FUT9: variants seen among roughly 807,000 people sequenced by gnomAD.
FUT9 encodes the protein 4-galactosyl-N-acetylglucosaminide 3-alpha-L-fucosyltransferase 9.
FUT9 carries 15 observed loss-of-function variants against 29.7 expected under a neutral mutation model. That is an observed-to-expected ratio of 0.51 (90% CI 0.34 to 0.78). The LOEUF is 0.78. Ranked by LOEUF, FUT9 falls within the 30% of genes least tolerant of loss-of-function variation. The pLI is 0.01. For missense variants in FUT9, 319 were observed against 425.4 expected (o/e 0.75, Z 2.20); for synonymous variants, 169 against 153.7 (o/e 1.10, Z -0.74).
intron 1 of FUT9, among the ~76,000 whole-genome samples, chr6:96,053,581 C>T (rs947697473): frequency 2.6e-5 from 4 of 152,072 alleles, no homozygotes; most frequent in South Asian, 4.2e-4. Flanking sequence ...TGGTGGCAAG[C>T]ACCTATAGTC....
intron 1 of FUT9, among the ~76,000 whole-genome samples, chr6:96,094,263 A>G (rs894668815): frequency 6.6e-6 from 1 of 152,076 alleles, no homozygotes; most frequent in African/African-American, 2.4e-5. Flanking sequence ...TGTCTAGTGT[A>G]TTCATGCTGT....
At chr6:96,161,005 G>A (rs1772890229) in intron 2 of FUT9, among the ~76,000 whole-genome samples, 1 of 152,022 alleles carries the variant, frequency 6.6e-6, no homozygotes, top group Non-Finnish European at 1.5e-5. Context: ...ACTTCTATAG[G>A]GTAAATTAAG....
At chr6:96,088,526 TGTTTTGTGTG>T (rs1200367489) in intron 1 of FUT9, among the ~76,000 whole-genome samples, 2 of 120,826 alleles carry the variant, frequency 1.7e-5, no homozygotes, top group Non-Finnish European at 3.3e-5. Flanking sequence ...TCTGTTTGTT[TGTTTTGTGTG>T]TGTGTGTGTG....
At chr6:96,125,314 T>C (rs1223919097) in intron 2 of FUT9, among the ~76,000 whole-genome samples, 6 of 152,204 alleles carry the variant, frequency 3.9e-5, no homozygotes, top group Non-Finnish European at 7.3e-5. Flanking sequence ...GCTCAATGTC[T>C]TTGTCGTCTT....
chr6:96,161,809 C>T (rs1772908792), intron 2 of FUT9, among the ~76,000 whole-genome samples: 1 of 152,226 alleles, frequency 6.6e-6, no homozygotes, highest in African/African-American at 2.4e-5. Flanking sequence ...ACATCCACTT[C>T]ACTTTGCCTT....
chr6:96,058,145 G>A (rs774676014), intron 1 of FUT9, among the ~76,000 whole-genome samples: 2 of 151,960 alleles, frequency 1.3e-5, no homozygotes, highest in Non-Finnish European at 1.5e-5. Context: ...GGCACTTTGC[G>A]TTGGGTGCAG....
rs941780218 is a variant in FUT9 at position 96,145,581 on chromosome 6, A to G, written c.-9+31454A>G. On this transcript the variant is annotated intron_variant, in intron 2 of 2. Transcript: ENST00000302103. ...GCTAAAGAAGATAAATATGAAGTGG[A>G]AGGGTAAGATTATTTTTGAGAGAAT... is the stretch of plus-strand genomic sequence containing the variant. Among the ~76,000 whole-genome samples the G allele has an allele frequency of 6.6e-5, 10 of 152,166 alleles. No individual in the cohort carries two copies. The East Asian group carries it at 1.7e-3, about 26-fold the overall frequency.
intron 1 of FUT9, among the ~76,000 whole-genome samples, chr6:96,098,592 G>T (rs954266547): frequency 6.6e-6 from 1 of 152,066 alleles, no homozygotes; most frequent in Non-Finnish European, 1.5e-5. Context: ...TAACATAGTT[G>T]TCCCAGTTAG....
chr6:96,094,456 C>G (rs977835684), intron 1 of FUT9, among the ~76,000 whole-genome samples: 1 of 152,048 alleles, frequency 6.6e-6, no homozygotes, highest in South Asian at 2.1e-4. Context: ...AAGTTCTGTA[C>G]TAAATAAGGA....
intron 2 of FUT9, among the ~76,000 whole-genome samples, chr6:96,132,898 C>G (rs1370397996): frequency 6.6e-6 from 1 of 151,652 alleles, no homozygotes; most frequent in Non-Finnish European, 1.5e-5. Flanking sequence ...ATTCTGTTCA[C>G]TTCAGAGGAC....
chr6:96,071,222 T>C (rs570551404), intron 1 of FUT9, among the ~76,000 whole-genome samples: 2 of 152,312 alleles, frequency 1.3e-5, no homozygotes, highest in South Asian at 4.1e-4. Context: ...GGAAATTGAC[T>C]GCAGGTCAGA....
At chr6:96,055,121 A>G (rs1242142650) in intron 1 of FUT9, among the ~76,000 whole-genome samples, 2 of 152,160 alleles carry the variant, frequency 1.3e-5, no homozygotes, top group African/African-American at 4.8e-5. Context: ...CTTATTTAAT[A>G]CTGTATTTTT....
chr6:96,050,343 T>C (rs146334253), intron 1 of FUT9, among the ~76,000 whole-genome samples: 229 of 152,300 alleles, frequency 1.5e-3, no homozygotes, highest in African/African-American at 5.3e-3. Flanking sequence ...TTTAAAAATT[T>C]TGAACAGAAA....
At chr6:96,156,694 C>T (rs1231302284) in intron 2 of FUT9, among the ~76,000 whole-genome samples, 2 of 152,116 alleles carry the variant, frequency 1.3e-5, no homozygotes, top group African/African-American at 2.4e-5. Flanking sequence ...TGGGTTAGGT[C>T]GGATGTTTTC....
At chr6:96,068,313 C>T (rs4130042) in intron 1 of FUT9, among the ~76,000 whole-genome samples, 84,482 of 151,888 alleles carry the variant, frequency 0.56, 23,599 homozygotes, top group South Asian at 0.64. Context: ...CTAGAAATAA[C>T]AATACTTAAG....
In FUT9 at chr6:96,205,332, C is replaced by G. The variant is rs3934926; in HGVS notation, c.*1097C>G. The G allele has an allele frequency of 0.92, 153,748 of 167,074 alleles. 72,143 individuals are homozygous for G. Among genetic ancestry groups the G allele is most frequent in the Non-Finnish European group, 1 (67,967 of 68,102 alleles). The allele number at this position is 167,074 out of a possible 1,614,324, so 10.3% of individuals were successfully genotyped here. The stretch of plus-strand genomic sequence containing the variant: ...ATAGAAAACACACAGTGTTAGCACA[C>G]AGTAAGATCTCAATGCACATTTGTT... On this transcript the variant is annotated 3_prime_UTR_variant, in exon 3 of 3. Transcript: ENST00000302103.
intron 1 of FUT9, among the ~76,000 whole-genome samples, chr6:96,040,601 G>A (rs936094706): frequency 1.5e-4 from 23 of 152,244 alleles, no homozygotes; most frequent in South Asian, 1.0e-3. Flanking sequence ...ATCAAGTAGA[G>A]GGTTGGAGTG....
chr6:96,100,415 A>G (rs1250712311), intron 1 of FUT9, among the ~76,000 whole-genome samples: 2 of 152,292 alleles, frequency 1.3e-5, no homozygotes, highest in Non-Finnish European at 2.9e-5. Context: ...AAAGTAAAGG[A>G]AATACTTTGA....
At chr6:96,176,174 C>T (rs1773200259) in intron 2 of FUT9, among the ~76,000 whole-genome samples, 1 of 152,118 alleles carries the variant, frequency 6.6e-6, no homozygotes, top group African/African-American at 2.4e-5. Context: ...AGGCTTTGCA[C>T]TTGGACCGAG....
Sources: allele counts gnomAD v4.1 joint callset (sites outside exome capture counted in the v4.1 genomes callset), GRCh38; gene constraint gnomAD v4.1.1; transcripts MANE v1.5; gene names NCBI Gene and HGNC (gene_info 2026-07-23, HGNC 2026-07-21).